Variants in HSPA4 observed in about 807,000 individuals in gnomAD.
The protein encoded by HSPA4 is heat shock protein family A (Hsp70) member 4.
HSPA4 carries 25 observed loss-of-function variants against 106.2 expected under a neutral mutation model. That is an observed-to-expected ratio of 0.24 (90% CI 0.17 to 0.33). HSPA4 has a LOEUF of 0.33. HSPA4 is among the 10% of genes least tolerant of loss of function. The pLI is 1.00. For missense variants in HSPA4, 841 were observed against 996.0 expected (o/e 0.84, Z 2.10); for synonymous variants, 332 against 333.6 (o/e 1.00, Z 0.05).
Position 133,067,508 on chromosome 5 carries a change from A to G in HSPA4, c.257A>G (p.Asn86Ser), listed in dbSNP as rs139220106. Residue 86 changes from asparagine (N) to serine (S), a missense_variant, in exon 3 of 19, where the codon AAC becomes AGC. Physicochemically the swap from Asn to Ser is conservative, Grantham distance 46. Around this residue, in one of 5 missense-constraint regions of HSPA4, gnomAD observed 347 missense variants for 408.7 expected, o/e 0.85. Transcript: ENST00000304858. ...CCATTTGTGGAGGCAGAAAAATCTA[A>G]CCTTGCATATGATATTGTGCAGTTG... The part of the protein sequence containing the change: ...SDPFVEAEKS[N>S]LAYDIVQLPT... The G allele has an allele frequency of 3.7e-6, 6 of 1,614,018 alleles. No individual in the cohort carries two copies. Among genetic ancestry groups the G allele is most frequent in the Non-Finnish European group, 3.4e-6 (4 of 1,179,886 alleles).
chr5:133,104,293 A>G lies in HSPA4; in HGVS notation c.2380A>G (p.Lys794Glu). The part of the protein sequence containing the change: ...SKPKPKVEPP[K>E]EEQKNAEQNG... The stretch of plus-strand genomic sequence containing the variant: ...GCCCAAACCCAAAGTGGAACCTCCA[A>G]AAGAGGAACAAAAAAATGCAGAGCA... The change falls in exon 19 of 19, where the codon AAA becomes GAA. Residue 794 changes from lysine to glutamate, a missense_variant. Coordinates refer to ENST00000304858, the MANE Select transcript of HSPA4 (RefSeq NM_002154.4). 1 of 1,614,202 alleles carries G rather than the reference A, an allele frequency of 6.2e-7. No individual in the cohort carries two copies. Among genetic ancestry groups the G allele is most frequent in the Non-Finnish European group, 8.5e-7 (1 of 1,180,032 alleles).
At chr5:133,055,657 A>G (rs1765151387) in intron 1 of HSPA4, among the ~76,000 whole-genome samples, 2 of 152,204 alleles carry the variant, frequency 1.3e-5, no homozygotes, top group African/African-American at 4.8e-5. Flanking sequence ...TCATGCCATT[A>G]TGGACATGGC....
At chr5:133,056,414 C>A (rs969675025) in intron 1 of HSPA4, among the ~76,000 whole-genome samples, 1 of 152,210 alleles carries the variant, frequency 6.6e-6, no homozygotes, top group South Asian at 2.1e-4. Context: ...TGCATTGTTG[C>A]GGTCATGTGC....
At chr5:133,098,064 C>T (rs954249512) in intron 15 of HSPA4, among the ~76,000 whole-genome samples, 2 of 151,882 alleles carry the variant, frequency 1.3e-5, no homozygotes, top group African/African-American at 4.8e-5. Context: ...TATCCCACAC[C>T]CCACTTCTGT....
At position 133,086,760 on chromosome 5, in the gene HSPA4, TGTTTTG is replaced by T. The variant is rs768459054; in HGVS notation, c.909-21_909-16del. ...ATGTGATTTAATGTACTGTGTTTTT[TGTTTTG>T]TTTTGTTTTTTATAGAGGCAAATTT... On this transcript the variant is annotated splice_polypyrimidine_tract_variant and intron_variant, in intron 7 of 18. Coordinates refer to ENST00000304858, the MANE Select transcript of HSPA4 (RefSeq NM_002154.4). 2 of 1,504,120 alleles carry T rather than the reference TGTTTTG, an allele frequency of 1.3e-6. No individual in the cohort carries two copies. The highest frequency in any genetic ancestry group is 2.7e-5 in the African/African-American group (2 of 72,942). The allele number at this position is 1,504,120 out of a possible 1,614,324, so 93.2% of individuals were successfully genotyped here. A position where few individuals can be genotyped will look rare whatever the true frequency, so the allele number is the denominator to read the frequency against.
At chr5:133,086,662 C>G (rs1765582078) in intron 7 of HSPA4, 120 bp from the exon 8 acceptor site, 4 of 681,768 alleles carry the variant, frequency 5.9e-6, no homozygotes, top group Non-Finnish European at 1.0e-5. Context: ...GAAGGATCCA[C>G]TGTCTCCACA....
chr5:133,086,958 G>A, intron 8 of HSPA4, 100 bp downstream of exon 8: 1 of 882,980 alleles, frequency 1.1e-6, no homozygotes, highest in South Asian at 1.5e-5. Flanking sequence ...AATTTTTATT[G>A]TATGAACTAA....
chr5:133,068,343 A>G (rs1447539562), intron 3 of HSPA4, among the ~76,000 whole-genome samples: 1 of 152,032 alleles, frequency 6.6e-6, no homozygotes, highest in African/African-American at 2.4e-5. Flanking sequence ...CAGTGAACTG[A>G]TCACAGAAAA....
intron 1 of HSPA4, among the ~76,000 whole-genome samples, chr5:133,063,640 C>T (rs1162557815): frequency 1.3e-5 from 2 of 151,946 alleles, no homozygotes; most frequent in East Asian, 1.9e-4. Context: ...ATCATGTGGG[C>T]GTGGCTGGTC....
rs1256831759 is a variant in HSPA4, at chr5:133,089,708, T to C, written c.1378+13T>C. 1 of 1,508,026 alleles carries C rather than the reference T, an allele frequency of 6.6e-7. No homozygotes were observed. The highest frequency in any genetic ancestry group is 1.5e-5 in the African/African-American group (1 of 67,574). The allele number at this position is 1,508,026 out of a possible 1,614,324, so 93.4% of individuals were successfully genotyped here. Reference sequence around the variant, plus strand: ...GATCCTGCTATAGGTAAGTAAAGAGTTGGAAATTAAAAAAGAAAAAAAAAA... The same window carrying C: ...GATCCTGCTATAGGTAAGTAAAGAGCTGGAAATTAAAAAAGAAAAAAAAAA... On this transcript the variant is annotated intron_variant, in intron 11 of 18. Transcript: ENST00000304858.
intron 8 of HSPA4, among the ~76,000 whole-genome samples, chr5:133,087,317 A>G (rs554258941): frequency 4.2e-4 from 64 of 152,216 alleles, no homozygotes; most frequent in Non-Finnish European, 8.5e-4. Context: ...ATTTTCCTAA[A>G]ATCTTTCTTT....
rs1765338149 is a variant in HSPA4, at chr5:133,068,385, A to T, written c.306+828A>T. Among the ~76,000 whole-genome samples the T allele has an allele frequency of 1.3e-5, 2 of 151,610 alleles. 1 individual carries two copies. Among genetic ancestry groups the T allele is most frequent in the South Asian group, 4.2e-4 (2 of 4,804 alleles). ...AGAGGCTGGGAGATGGATAGGGTGG[A>T]CACATTTGCCTTTCTTGCACTCAGA... On this transcript the variant is annotated intron_variant, in intron 3 of 18. Coordinates refer to ENST00000304858, the MANE Select transcript of HSPA4 (RefSeq NM_002154.4).
intron 7 of HSPA4, among the ~76,000 whole-genome samples, chr5:133,082,164 T>G (rs1239719787): frequency 1.3e-5 from 2 of 152,182 alleles, no homozygotes; most frequent in Admixed American, 6.5e-5. Context: ...CTGAAAGAAG[T>G]CACAAAAGGC....
intron 5 of HSPA4, 106 bp downstream of exon 5, chr5:133,073,435 C>A: frequency 1.4e-6 from 1 of 698,924 alleles, no homozygotes; most frequent in Non-Finnish European, 2.5e-6. Flanking sequence ...AGCACTGCTG[C>A]TCTTGCTTAC....
At position 133,092,718 on chromosome 5, in the gene HSPA4, G is replaced by C. The variant is rs1385064215; in HGVS notation, c.1579G>C (p.Glu527Gln). Residue 527 changes from glutamate (E) to glutamine (Q), a missense_variant, in exon 13 of 19, where the codon GAG becomes CAG. Physicochemically the swap from Glu to Gln is conservative, Grantham distance 29 (BLOSUM62 2). This residue lies in a region of HSPA4 where 328 missense variants were observed against 372.2 expected (regional missense o/e 0.88). Transcript: ENST00000304858. ...KEEEKMQVDQ[E>Q]EPHVEEQQQQ... ...TTTTCAGAAGATGCAAGTGGACCAG[G>C]AGGAACCACATGTTGAAGAGCAACA... is the stretch of plus-strand genomic sequence containing the variant. 6.2e-7 allele frequency: 1 copy of C among 1,611,958 alleles called. No individual in the cohort carries two copies. The highest frequency in any genetic ancestry group is 1.1e-5 in the South Asian group (1 of 91,008).
chr5:133,059,888 G>T (rs903614002), intron 1 of HSPA4, among the ~76,000 whole-genome samples: 3 of 152,178 alleles, frequency 2.0e-5, no homozygotes, highest in African/African-American at 4.8e-5. Flanking sequence ...CATGGATAGG[G>T]ATCAGGGATG....
chr5:133,064,888 C>T, intron 1 of HSPA4, 92 bp from the exon 2 acceptor site: 1 of 1,034,062 alleles, frequency 9.7e-7, no homozygotes, highest in South Asian at 1.3e-5. Context: ...AAATATATGG[C>T]ATTTTAGCTG....
chr5:133,094,608 G>A (rs866998374), intron 13 of HSPA4, among the ~76,000 whole-genome samples: 1 of 152,190 alleles, frequency 6.6e-6, no homozygotes, highest in East Asian at 1.9e-4. Context: ...TGGAAGGTGG[G>A]TGAAGAGAAG....
At chr5:133,096,382 GGTATT>G in intron 14 of HSPA4, 132 bp downstream of exon 14, 1 of 731,846 alleles carries the variant, frequency 1.4e-6, no homozygotes, top group Non-Finnish European at 2.2e-6. Flanking sequence ...ACTTTTGTGT[GGTATT>G]GTAAGGGCAA....
Sources: allele counts gnomAD v4.1 joint callset (sites outside exome capture counted in the v4.1 genomes callset), GRCh38; gene constraint gnomAD v4.1.1; regional missense constraint gnomAD v4.1.1; transcripts MANE v1.5; gene names NCBI Gene and HGNC (gene_info 2026-07-23, HGNC 2026-07-21).